The following LHFPL3 variants were observed in gnomAD, a reference collection of about 807,000 sequenced individuals.
LHFPL3 encodes the protein LHFPL tetraspan subfamily member 3.
LHFPL3 carries 5 observed loss-of-function variants against 19.3 expected under a neutral mutation model. The observed-to-expected ratio is 0.26, with a 90% CI of 0.14 to 0.54. LHFPL3 has a LOEUF of 0.54. Ranked by LOEUF, LHFPL3 falls within the 20% of genes least tolerant of loss-of-function variation. LHFPL3 has a pLI of 0.94. For missense variants in LHFPL3, 249 were observed against 307.4 expected (o/e 0.81, Z 1.42); for synonymous variants, 133 against 126.2 (o/e 1.05, Z -0.36).
chr7:104,518,020 C>A (rs6962681), intron 1 of LHFPL3, among the ~76,000 whole-genome samples: 3 of 151,220 alleles, frequency 2.0e-5, no homozygotes, highest in South Asian at 4.2e-4. Flanking sequence ...TATAATAATT[C>A]AAAAAAAACC....
chr7:104,808,115 C>T (rs548198778), intron 2 of LHFPL3, among the ~76,000 whole-genome samples: 2 of 152,270 alleles, frequency 1.3e-5, no homozygotes, highest in East Asian at 3.9e-4. Flanking sequence ...CTCTTCTCCC[C>T]CATCAGCCAC....
chr7:104,398,530 C>A (rs2040583), intron 1 of LHFPL3, among the ~76,000 whole-genome samples: 58,716 of 152,022 alleles, frequency 0.39, 11,759 homozygotes, highest in Admixed American at 0.5. Flanking sequence ...CAATAACTAA[C>A]ATTGTTGATG....
chr7:104,386,043 C>T (rs992017298), intron 1 of LHFPL3, among the ~76,000 whole-genome samples: 5 of 152,066 alleles, frequency 3.3e-5, no homozygotes, highest in African/African-American at 9.7e-5. Flanking sequence ...TCGGTAAGAA[C>T]AGTGAGCTTT....
intron 2 of LHFPL3, among the ~76,000 whole-genome samples, chr7:104,887,751 G>A (rs1428733907): frequency 6.6e-6 from 1 of 152,182 alleles, no homozygotes; most frequent in Non-Finnish European, 1.5e-5. Context: ...TTCTAAGAAT[G>A]GACGTTCTCT....
intron 1 of LHFPL3, among the ~76,000 whole-genome samples, chr7:104,713,635 G>A (rs989165593): frequency 2.0e-5 from 3 of 152,102 alleles, no homozygotes; most frequent in African/African-American, 4.8e-5. Flanking sequence ...TGAGATTTGC[G>A]TGGGGAGGAC....
chr7:104,557,445 C>T (rs1789869907), intron 1 of LHFPL3, among the ~76,000 whole-genome samples: 1 of 152,094 alleles, frequency 6.6e-6, no homozygotes, highest in Admixed American at 6.5e-5. Flanking sequence ...TCTTGTGGGA[C>T]TCATTCACTA....
At chr7:104,382,548 T>C (rs1389114908) in intron 1 of LHFPL3, among the ~76,000 whole-genome samples, 1 of 152,180 alleles carries the variant, frequency 6.6e-6, no homozygotes, top group East Asian at 1.9e-4. Context: ...ATGCCTGGGT[T>C]CCATCTCCAA....
chr7:104,409,931 T>C (rs1210606721), intron 1 of LHFPL3, among the ~76,000 whole-genome samples: 2 of 151,988 alleles, frequency 1.3e-5, no homozygotes, highest in African/African-American at 4.8e-5. Flanking sequence ...CAGAAAGCAA[T>C]GCACGAGATT....
chr7:104,820,149 C>T (rs778414260), intron 2 of LHFPL3, among the ~76,000 whole-genome samples: 2 of 152,110 alleles, frequency 1.3e-5, no homozygotes, highest in Admixed American at 6.5e-5. Context: ...GGAAAATCCA[C>T]GTGCATTCAC....
At chr7:104,807,889 G>T (rs1206268317) in intron 2 of LHFPL3, among the ~76,000 whole-genome samples, 1 of 152,228 alleles carries the variant, frequency 6.6e-6, no homozygotes, top group Non-Finnish European at 1.5e-5. Context: ...TAGACAACTG[G>T]TCGTTAATCA....
At chr7:104,414,096 GAAAA>G (rs5886317) in intron 1 of LHFPL3, among the ~76,000 whole-genome samples, 1 of 143,934 alleles carries the variant, frequency 6.9e-6, no homozygotes, top group Non-Finnish European at 1.5e-5. Flanking sequence ...TTATTTCAGT[GAAAA>G]AAAAAAACTA....
In LHFPL3 at chr7:104,413,866, A is replaced by C. The variant is rs188710858; in HGVS notation, c.445+84642A>C. ...CTTCTTATAGCTGGAATCACCTGGTATTATTTTTGTTTGTTTGTTTTTGCC... is the reference window on the plus strand; with the variant it reads ...CTTCTTATAGCTGGAATCACCTGGTCTTATTTTTGTTTGTTTGTTTTTGCC... On this transcript the variant is annotated intron_variant, in intron 1 of 2. Coordinates refer to ENST00000424859, the MANE Select transcript of LHFPL3 (RefSeq NM_199000.3). 3.9e-5 allele frequency among the ~76,000 whole-genome samples: 6 copies of C among 152,262 alleles called. No homozygotes were observed. In the East Asian group the frequency reaches 1.2e-3, roughly 29 times the overall value.
chr7:104,461,215 C>T (rs1008000087), intron 1 of LHFPL3, among the ~76,000 whole-genome samples: 1 of 152,194 alleles, frequency 6.6e-6, no homozygotes, highest in South Asian at 2.1e-4. Context: ...CATCAGATCT[C>T]CTGAGAACTC....
rs190350993 is a variant in LHFPL3 at position 104,726,984 on chromosome 7, G to A, written c.446-9691G>A. ...AGTGTTCCTATTTCTCCACAGCCTC[G>A]CCAGCATCTGTTGCTTCTTGGGTTT... On this transcript the variant is annotated intron_variant, in intron 1 of 2. Coordinates refer to ENST00000424859, the MANE Select transcript of LHFPL3 (RefSeq NM_199000.3). Among the ~76,000 whole-genome samples the A allele has an allele frequency of 3.5e-3, 527 of 152,134 alleles. 3 individuals are homozygous for A. Among genetic ancestry groups the A allele is most frequent in the African/African-American group, 0.012 (493 of 41,510 alleles).
chr7:104,614,723 C>CTT (rs1212035786), intron 1 of LHFPL3, among the ~76,000 whole-genome samples: 1 of 130,618 alleles, frequency 7.7e-6, no homozygotes, highest in Non-Finnish European at 1.6e-5. Context: ...TTCTTTCTTT[C>CTT]TTTCTTTCTT....
rs1054100387 is a variant in LHFPL3 at position 104,328,723 on chromosome 7, AGAGGCGGGGG to A, written c.-49_-40del. On this transcript the variant is annotated 5_prime_UTR_variant, in exon 1 of 3. Transcript: ENST00000424859. The surrounding 1 kb of genome is among the most constrained non-coding windows in gnomAD (Gnocchi z 4.6). ...CCGTGAGTGTGTCTCCTGCGCGCTG[AGAGGCGGGGG>A]GAGGCGGAGGACCAGGAGGAGGAGG... is the stretch of plus-strand genomic sequence containing the variant. 7.1e-5 allele frequency: 104 copies of A among 1,464,804 alleles called. No homozygotes were observed. The highest frequency in any genetic ancestry group is 9.3e-5 in the Non-Finnish European group (101 of 1,085,870). 90.7% of individuals were successfully genotyped at this position (1,464,804 alleles called of 1,614,324 possible).
At position 104,845,574 on chromosome 7, in the gene LHFPL3, A is replaced by G. The variant is rs943992718; in HGVS notation, c.683-60613A>G. ...ATGAAACTGCCGCTTTCAAGCCATA[A>G]ATCTTCTGTCTTTGTTCCTGATTTT... On this transcript the variant is annotated intron_variant, in intron 2 of 2. Coordinates refer to ENST00000424859, the MANE Select transcript of LHFPL3 (RefSeq NM_199000.3). The G allele has an allele frequency of 4.4e-6, 4 of 910,588 alleles. No individual in the cohort carries two copies. The African/African-American group carries it at 5.1e-5, about 12-fold the overall frequency. 56.4% of individuals were successfully genotyped at this position (910,588 alleles called of 1,614,324 possible).
intron 1 of LHFPL3, among the ~76,000 whole-genome samples, chr7:104,571,675 T>G (rs530746432): frequency 1.3e-5 from 2 of 152,332 alleles, no homozygotes; most frequent in South Asian, 4.1e-4. Flanking sequence ...TTAACCTGAA[T>G]TCTGCCTCAG....
intron 1 of LHFPL3, among the ~76,000 whole-genome samples, chr7:104,555,301 T>C (rs1794742907): frequency 6.6e-6 from 1 of 152,184 alleles, no homozygotes; most frequent in African/African-American, 2.4e-5. Context: ...CCAGAGAGCA[T>C]CTGTATTAGT....
Sources: allele counts gnomAD v4.1 joint callset (sites outside exome capture counted in the v4.1 genomes callset), GRCh38; gene constraint gnomAD v4.1.1; non-coding constraint Gnocchi (gnomAD v3.1); transcripts MANE v1.5; gene names NCBI Gene and HGNC (gene_info 2026-07-23, HGNC 2026-07-21).